PKD1: variants seen among roughly 807,000 people sequenced by gnomAD.
The protein encoded by PKD1 is polycystin-1.
A neutral mutation model predicts 361.7 loss-of-function variants in PKD1; 81 were observed. That is an observed-to-expected ratio of 0.22 (90% confidence interval 0.19 to 0.27). PKD1 has a LOEUF of 0.27. Among genes scored for constraint, PKD1 ranks in the 10% least tolerant of loss-of-function variants. The pLI, the probability that PKD1 is intolerant of heterozygous loss-of-function variation, is 1.00. For missense variants in PKD1, 6,399 were observed against 6,118.3 expected (o/e 1.05, Z -1.53); for synonymous variants, 3,615 against 2,818.3 (o/e 1.28, Z -8.95).
chr16:2,101,571 T>C (rs2092098092), intron 26 of PKD1, among the ~76,000 whole-genome samples: 1 of 152,104 alleles, frequency 6.6e-6, no homozygotes. Context: ...TGAGCCAAGA[T>C]CATGCCATTG....
rs759231404 is a variant in PKD1 at position 2,102,114 on chromosome 16, C to T, written c.9344G>A (p.Arg3115Gln). 1.2e-5 allele frequency: 19 copies of T among 1,566,476 alleles called. 2 individuals are homozygous for T. Among genetic ancestry groups the T allele is most frequent in the African/African-American group, 1.5e-5 (1 of 68,192 alleles). Residue 3115 changes from arginine to glutamine, a missense_variant, in exon 26 of 46, where the codon CGG (arginine) becomes CAG (glutamine). Transcript: ENST00000262304. ...GAGGATCTCGTACTTGAAGCGGCCC[C>T]GCTGCCCACAGAAAGGGATGGCGCG... ...RGRAIPFCGQ[R>Q]GRFKYEILVK...
At chr16:2,116,771 G>A (rs1343980056) in intron 7 of PKD1, 62 bp downstream of exon 7, 30 of 1,137,190 alleles carry the variant, frequency 2.6e-5, no homozygotes, top group Non-Finnish European at 3.7e-5. Context: ...CTCCACCGCG[G>A]GCGCTCGGCA....
chr16:2,109,849 G>A lies in PKD1; in HGVS notation c.5318C>T (p.Thr1773Ile), dbSNP rs140162759. 2,840 of 1,610,698 alleles carry A rather than the reference G, an allele frequency of 1.8e-3. 25 individuals are homozygous for A. The highest frequency in any genetic ancestry group is 0.014 in the South Asian group (1,269 of 90,992). ...SEPFTTHSFP[T>I]PGLHLVTMTA... Reference sequence around the variant, plus strand: ...CATGGTGACCAAGTGCAGGCCGGGTGTGGGGAAGCTATGGGTGGTAAATGG... The same window carrying A: ...CATGGTGACCAAGTGCAGGCCGGGTATGGGGAAGCTATGGGTGGTAAATGG... Residue 1773 changes from threonine to isoleucine, a missense_variant, in exon 15 of 46, where the codon ACA becomes ATA. Coordinates refer to ENST00000262304, the MANE Select transcript of PKD1 (RefSeq NM_001009944.3).
rs2091560022 is a variant in PKD1, at chr16:2,091,343, G to GGGGTGGA, written c.11712+79_11712+80insTCCACCC. On this transcript the variant is annotated intron_variant, in intron 42 of 45. Coordinates refer to ENST00000262304, the MANE Select transcript of PKD1 (RefSeq NM_001009944.3). ...GGGGGCGGGGCGCTGCGAGGGGTGAGACGCTGCCGGGGCGGGGCCCCGCGA... is the reference window on the plus strand; with the variant it reads ...GGGGGCGGGGCGCTGCGAGGGGTGAGGGGTGGAACGCTGCCGGGGCGGGGCCCCGCGA... The GGGGTGGA allele has an allele frequency of 4.1e-6, 3 of 733,460 alleles. No individual in the cohort carries two copies. The African/African-American group carries it at 6.2e-5, about 15-fold the overall frequency. The allele number at this position is 733,460 out of a possible 1,614,324, so 45.4% of individuals were successfully genotyped here.
intron 39 of PKD1, 64 bp downstream of exon 39, chr16:2,092,416 G>A (rs926580017): frequency 1.7e-5 from 20 of 1,197,240 alleles, no homozygotes; most frequent in Middle Eastern, 2.4e-4. Context: ...CCAGAGCTCC[G>A]CTAAAGGCTG....
chr16:2,103,387 G>A lies in PKD1; in HGVS notation c.8670C>T (p.Ser2890=), dbSNP rs1567176872. ...CCACAACGGAGTTGGCGGAGTTGGC[G>A]GAGCTGCGGTGGCCCCGGGCAGCCC... The part of the protein sequence containing the change: ...SDWAARGHRS[S]ANSANSVVVQ... Residue 2890 remains serine, a synonymous_variant, in exon 23 of 46, where the codon TCC becomes TCT. Transcript: ENST00000262304. 1.4e-5 allele frequency: 22 copies of A among 1,600,310 alleles called. No homozygotes were observed. The highest frequency in any genetic ancestry group is 3.3e-5 in the Admixed American group (2 of 59,876).
At chr16:2,132,542 T>A (rs1225245391) in intron 1 of PKD1, among the ~76,000 whole-genome samples, 1 of 131,598 alleles carries the variant, frequency 7.6e-6, no homozygotes, top group Non-Finnish European at 1.5e-5. Flanking sequence ...GCCACTGCAC[T>A]GCGGCCTGGA....
In PKD1 at chr16:2,088,714, T is replaced by TCAGA. The variant is rs952864367; in HGVS notation, c.*1009_*1012dup. The TCAGA allele has an allele frequency of 8.4e-6, 12 of 1,431,550 alleles. No homozygotes were observed. Among genetic ancestry groups the TCAGA allele is most frequent in the East Asian group, 5.0e-5 (2 of 40,108 alleles). 88.7% of individuals were successfully genotyped at this position (1,431,550 alleles called of 1,614,324 possible). The stretch of plus-strand genomic sequence containing the variant: ...ACAGACATAGAGGCACAGATTGCAG[T>TCAGA]CAGACAGCTCTTTTATTGACTTTGT... On this transcript the variant is annotated 3_prime_UTR_variant, in exon 46 of 46. Coordinates refer to ENST00000262304, the MANE Select transcript of PKD1 (RefSeq NM_001009944.3).
chr16:2,095,676 G>T (rs565752062), intron 34 of PKD1, among the ~76,000 whole-genome samples: 1 of 152,254 alleles, frequency 6.6e-6, no homozygotes, highest in Non-Finnish European at 1.5e-5. Context: ...ACGCAGAGGG[G>T]TCCAGGACAA....
In PKD1 at chr16:2,103,472, G is replaced by T; in HGVS notation, c.8585C>A (p.Pro2862His). 2 of 1,601,162 alleles carry T rather than the reference G, an allele frequency of 1.2e-6. No homozygotes were observed. The highest frequency in any genetic ancestry group is 1.7e-6 in the Non-Finnish European group (2 of 1,179,658). ...GCGCTCTGAGGCCAGCCGCTCGATG[G>T]GGATCTGGGCGCCGGCCTGTGTCTG... ...AFQTQAGAQI[P>H]IERLASERAI... The change falls in exon 23 of 46, where the codon CCC becomes CAC. Residue 2862 changes from proline to histidine, a missense_variant. Transcript: ENST00000262304.
rs781610206 is a variant in PKD1 at position 2,114,813 on chromosome 16, C to T, written c.2210G>A (p.Gly737Asp). ...GGCGGAGAGGTACGGGGCCCGGGGA[C>T]CAGGGTGGCCGGGAGCCGGCGAGCA... ...LHCSPAPGHPGPRAPYLSANA... is the reference protein window; with the variant it reads ...LHCSPAPGHPDPRAPYLSANA... Residue 737 changes from glycine (G) to aspartate (D), a missense_variant, in exon 11 of 46, where the codon GGT becomes GAT. Transcript: ENST00000262304. 5 of 1,040,110 alleles carry T rather than the reference C, an allele frequency of 4.8e-6. No homozygotes were observed. In the South Asian group the frequency reaches 6.9e-5, roughly 14 times the overall value. 64.4% of individuals were successfully genotyped at this position (1,040,110 alleles called of 1,614,324 possible).
intron 34 of PKD1, among the ~76,000 whole-genome samples, chr16:2,096,606 A>G (rs2091859037): frequency 6.6e-6 from 1 of 151,984 alleles, no homozygotes; most frequent in Non-Finnish European, 1.5e-5. Flanking sequence ...ACCTTCACCT[A>G]CCAGGTTCAA....
rs1567204382 is a variant in PKD1, at chr16:2,111,822, C to T, written c.3345G>A (p.Thr1115=). The change falls in exon 15 of 46, where the codon ACG becomes ACA. Residue 1115 remains threonine, a synonymous_variant. Transcript: ENST00000262304. ...CGCGCACGCTCACAGGCACCTGCTG[C>T]GTCAGGTTCTCGAAGGCATTAGATG... ...VLASNAFENL[T]QQVPVSVRAS... The T allele has an allele frequency of 9.3e-6, 15 of 1,610,204 alleles. No individual in the cohort carries two copies. The highest frequency in any genetic ancestry group is 1.3e-5 in the Non-Finnish European group (15 of 1,179,520).
At chr16:2,115,219 G>C (rs2092610849) in intron 10 of PKD1, 159 bp downstream of exon 10, 2 of 555,218 alleles carry the variant, frequency 3.6e-6, no homozygotes, top group Non-Finnish European at 4.6e-6. Context: ...CACTGGGAGA[G>C]GGCCGAGGGC....
intron 1 of PKD1, among the ~76,000 whole-genome samples, chr16:2,127,755 A>G (rs1420283537): frequency 2.0e-5 from 3 of 151,156 alleles, no homozygotes; most frequent in Non-Finnish European, 4.4e-5. Context: ...AGGCTGAGAG[A>G]CTGGACCAAG....
intron 37 of PKD1, 138 bp downstream of exon 37, chr16:2,093,406 G>T: frequency 1.2e-6 from 1 of 865,440 alleles, no homozygotes; most frequent in Non-Finnish European, 1.8e-6. Flanking sequence ...AGGGAGACCG[G>T]GCAAAGGCTG....
At chr16:2,111,955 C>A (rs2092519985) in intron 14 of PKD1, 84 bp from the exon 15 acceptor site, 2 of 1,450,774 alleles carry the variant, frequency 1.4e-6, no homozygotes, top group Non-Finnish European at 1.9e-6. Flanking sequence ...GCCTGAGGAG[C>A]CCGGGGTGAA....
At chr16:2,091,734 C>A in intron 41 of PKD1, 47 bp downstream of exon 41, 1 of 1,601,856 alleles carries the variant, frequency 6.2e-7, no homozygotes, top group Non-Finnish European at 8.5e-7. Context: ...GGGCTCCTGG[C>A]TGGTGACTGC....
chr16:2,106,495 G>A lies in PKD1; in HGVS notation c.7392C>T (p.Arg2464=), dbSNP rs1242131023. The A allele has an allele frequency of 1.9e-6, 3 of 1,594,310 alleles. No individual in the cohort carries two copies. Among genetic ancestry groups the A allele is most frequent in the Admixed American group, 1.7e-5 (1 of 59,722 alleles). The change falls in exon 18 of 46, where the codon CGC becomes CGT. Residue 2464 remains arginine, a synonymous_variant. Transcript: ENST00000262304. The surrounding 1 kb of genome is among the most constrained non-coding windows in gnomAD (Gnocchi z 6.5). ...SGEEEGCASI[R]LSPNRPPLGG... ...CCAGCGGCGGGCGGTTGGGGGACAG[G>A]CGGATGGAGGCGCAGCCCTCCTCCT... is the stretch of plus-strand genomic sequence containing the variant.
Sources: gnomAD v4.1 joint callset for allele counts (sites outside exome capture counted in the v4.1 genomes callset) on GRCh38, gnomAD v4.1.1 for gene constraint, Gnocchi (gnomAD v3.1) non-coding constraint, MANE v1.5 for transcripts, NCBI Gene and HGNC (gene_info 2026-07-23, HGNC 2026-07-21) for gene names.